The following SLC37A1 variants were observed in gnomAD, a reference collection of about 807,000 sequenced individuals.
SLC37A1 encodes the protein glucose-6-phosphate exchanger SLC37A1.
In SLC37A1, 49 loss-of-function variants were observed where a neutral mutation model predicts 75.3. The ratio of observed to expected loss-of-function variants is 0.65; its 90% CI spans 0.52 to 0.83. SLC37A1 has a LOEUF of 0.83. Among genes scored for constraint, SLC37A1 ranks in the 40% least tolerant of loss-of-function variants. The pLI, the probability that SLC37A1 is intolerant of heterozygous loss-of-function variation, is 0.00. For synonymous variants in SLC37A1, 268 were observed against 292.1 expected (o/e 0.92, Z 0.84); for missense variants, 566 against 695.0 (o/e 0.81, Z 2.09).
intron 4 of SLC37A1, 63 bp downstream of exon 4, chr21:42,534,893 C>T (rs112027300): frequency 6.4e-7 from 1 of 1,571,740 alleles, no homozygotes; most frequent in African/African-American, 1.3e-5. Flanking sequence ...TGCTATTAAT[C>T]ACTTTAGCAG....
At chr21:42,512,599 G>A (rs377549303), upstream of SLC37A1, among the ~76,000 whole-genome samples, 188 of 152,346 alleles carry the variant, frequency 1.2e-3, 3 homozygotes, top group South Asian at 0.023. Context: ...ACTGGCACAG[G>A]GGGCCTGCGG....
intron 3 of SLC37A1, among the ~76,000 whole-genome samples, chr21:42,530,328 A>G (rs228043): frequency 0.45 from 69,019 of 151,916 alleles, 16,101 homozygotes; most frequent in Admixed American, 0.6. Context: ...TCTGTCCCTG[A>G]GTGTGTATAA....
intron 6 of SLC37A1, among the ~76,000 whole-genome samples, chr21:42,540,406 G>A: frequency 6.6e-6 from 1 of 152,170 alleles, no homozygotes; most frequent in East Asian, 1.9e-4. Flanking sequence ...GCAGCTGGTT[G>A]GGTCACAGTG....
intron 18 of SLC37A1, chr21:42,575,315 A>T: frequency 1.0e-6 from 1 of 985,448 alleles, no homozygotes. Context: ...TGATACACAG[A>T]GCCTGGCCTC....
chr21:42,580,467 C>A lies in SLC37A1; in HGVS notation c.*107C>A. On this transcript the variant is annotated 3_prime_UTR_variant, in exon 20 of 20. Transcript: ENST00000352133. ...GCATGGAAAGAGTGACCTCCCTTTG[C>A]CTTTTGCACACGCACCTGGAAAAGA... The A allele has an allele frequency of 7.9e-7, 1 of 1,263,522 alleles. No individual in the cohort carries two copies. The highest frequency in any genetic ancestry group is 1.1e-6 in the Non-Finnish European group (1 of 909,652). The allele number at this position is 1,263,522 out of a possible 1,614,324, so 78.3% of individuals were successfully genotyped here. A position where few individuals can be genotyped will look rare whatever the true frequency, so the allele number is the denominator to read the frequency against.
intron 2 of SLC37A1, among the ~76,000 whole-genome samples, chr21:42,523,000 G>A (rs773800574): frequency 1.1e-4 from 16 of 152,228 alleles, no homozygotes; most frequent in Non-Finnish European, 4.4e-5. Context: ...TTGGGAACGC[G>A]GTGTGTGTCG....
At chr21:42,563,618 C>T (rs1022626925) in intron 12 of SLC37A1, among the ~76,000 whole-genome samples, 197 bp from the exon 13 acceptor site, 22 of 152,208 alleles carry the variant, frequency 1.4e-4, no homozygotes, top group African/African-American at 5.1e-4. Context: ...AGGAAAGCCA[C>T]GGTTTTTGGT....
intron 5 of SLC37A1, 41 bp downstream of exon 5, chr21:42,535,591 G>A: frequency 6.4e-7 from 1 of 1,557,402 alleles, no homozygotes; most frequent in Non-Finnish European, 8.9e-7. Flanking sequence ...CTGGTTACCT[G>A]GCCCCTCCGT....
At chr21:42,567,383 A>G (rs2056007911) in intron 16 of SLC37A1, among the ~76,000 whole-genome samples, 1 of 152,206 alleles carries the variant, frequency 6.6e-6, no homozygotes, top group Non-Finnish European at 1.5e-5. Context: ...GAGAGGGGCC[A>G]CGAAGAGGCG....
Position 42,563,227 on chromosome 21 carries a change from C to T in SLC37A1, c.1073-588C>T, listed in dbSNP as rs989293921. On this transcript the variant is annotated intron_variant, in intron 12 of 19. Transcript: ENST00000352133. ...TCCCCTGTGGTTGCAAAAGGGGTGA[C>T]GTTCTCAGGACTTGAGTCTTGAACT... is the stretch of plus-strand genomic sequence containing the variant. 2.0e-5 allele frequency among the ~76,000 whole-genome samples: 3 copies of T among 152,194 alleles called. No homozygotes were observed. The South Asian group carries it at 6.2e-4, about 31-fold the overall frequency.
At chr21:42,565,457 C>A (rs921057876) in intron 14 of SLC37A1, among the ~76,000 whole-genome samples, 1 of 152,218 alleles carries the variant, frequency 6.6e-6, no homozygotes, top group African/African-American at 2.4e-5. Flanking sequence ...TTGGGTGGGC[C>A]CCTTGCTGCC....
At chr21:42,508,955 T>C (rs917189305), upstream of SLC37A1, among the ~76,000 whole-genome samples, 1 of 152,220 alleles carries the variant, frequency 6.6e-6, no homozygotes, top group Non-Finnish European at 1.5e-5. Context: ...CCAATATGTC[T>C]CTAATTCAAG....
At chr21:42,537,002 C>T (rs763392960) in intron 5 of SLC37A1, among the ~76,000 whole-genome samples, 13 of 152,140 alleles carry the variant, frequency 8.5e-5, no homozygotes, top group Non-Finnish European at 1.6e-4. Context: ...AGGTCTTTAC[C>T]GCCTGGAGAA....
At chr21:42,525,522 G>A (rs2054767254) in intron 2 of SLC37A1, among the ~76,000 whole-genome samples, 2 of 152,230 alleles carry the variant, frequency 1.3e-5, no homozygotes, top group South Asian at 4.1e-4. Context: ...GGTATGTTGT[G>A]TGTTGTGCAT....
At chr21:42,531,745 G>A (rs1054266371) in intron 3 of SLC37A1, among the ~76,000 whole-genome samples, 11 of 150,526 alleles carry the variant, frequency 7.3e-5, no homozygotes, top group Admixed American at 5.3e-4. Context: ...GGAACGCCAC[G>A]TTTGGGGGAT....
chr21:42,522,124 G>A (rs1290606461), intron 2 of SLC37A1, among the ~76,000 whole-genome samples: 1 of 152,146 alleles, frequency 6.6e-6, no homozygotes, highest in Non-Finnish European at 1.5e-5. Flanking sequence ...TGGTGAGGAC[G>A]CCAGTCATTG....
intron 4 of SLC37A1, 111 bp downstream of exon 4, chr21:42,534,941 A>G: frequency 7.1e-7 from 1 of 1,400,704 alleles, no homozygotes; most frequent in Non-Finnish European, 9.6e-7. Flanking sequence ...CATTTCCATG[A>G]CAGCCCTCTC....
intron 18 of SLC37A1, chr21:42,575,378 C>T (rs763825304): frequency 1.7e-5 from 17 of 985,330 alleles, no homozygotes; most frequent in Non-Finnish European, 1.9e-5. Context: ...TGTCAGACGG[C>T]GGGAGCGGCC....
chr21:42,505,469 C>A (rs2054375670), intron 2 of SLC37A1, among the ~76,000 whole-genome samples: 1 of 152,194 alleles, frequency 6.6e-6, no homozygotes, highest in South Asian at 2.1e-4. Flanking sequence ...TTATCCCCAA[C>A]CCTTGTCCAC....
Sources: gnomAD v4.1 joint callset for allele counts (sites outside exome capture counted in the v4.1 genomes callset) on GRCh38, gnomAD v4.1.1 for gene constraint, MANE v1.5 for transcripts, NCBI Gene and HGNC (gene_info 2026-07-23, HGNC 2026-07-21) for gene names.